Variants in KCNQ3 observed in about 807,000 individuals in gnomAD.
The protein encoded by KCNQ3 is potassium voltage-gated channel subfamily KQT member 3.
KCNQ3 carries 30 observed loss-of-function variants against 92.5 expected under a neutral mutation model. The observed-to-expected ratio is 0.32, with a 90% confidence interval of 0.24 to 0.44. The LOEUF (loss-of-function observed/expected upper bound fraction) is 0.44, where lower values mean the gene tolerates loss of function less well. Ranked by LOEUF, KCNQ3 falls within the 20% of genes least tolerant of loss-of-function variation. The pLI is 1.00. For synonymous variants in KCNQ3, 450 were observed against 468.8 expected (o/e 0.96, Z 0.52); for missense variants, 913 against 1,140.3 (o/e 0.80, Z 2.87).
intron 1 of KCNQ3, among the ~76,000 whole-genome samples, chr8:132,204,709 C>T (rs1289433316): frequency 6.6e-6 from 1 of 152,180 alleles, no homozygotes; most frequent in African/African-American, 2.4e-5. Flanking sequence ...ACATTTCTAA[C>T]CATGTGCACT....
chr8:132,437,196 G>A (rs1042641851), intron 1 of KCNQ3, among the ~76,000 whole-genome samples: 14 of 151,722 alleles, frequency 9.2e-5, no homozygotes, highest in South Asian at 2.1e-4. Context: ...GGAGAATGGC[G>A]TGAACCCCAG....
rs765705898 is a variant in KCNQ3, at chr8:132,140,174, G to C, written c.1470C>G (p.Ala490=). 8.7e-6 allele frequency: 14 copies of C among 1,612,142 alleles called. No homozygotes were observed. The highest frequency in any genetic ancestry group is 1.2e-5 in the Non-Finnish European group (14 of 1,178,694). The change falls in exon 11 of 15, where the codon GCC becomes GCG. Residue 490 remains alanine (A), a synonymous_variant. Transcript: ENST00000388996. Reference sequence around the variant, plus strand: ...CTTCCGCCATGGGGTCACCTGTCCCGGCATCTGGGAGGGAGACACACATAT... The same window carrying C: ...CTTCCGCCATGGGGTCACCTGTCCCCGCATCTGGGAGGGAGACACACATAT... The part of the protein sequence containing the change: ...AYAFWQSSED[A]GTGDPMAEDR...
At chr8:132,423,224 T>G (rs905136212) in intron 1 of KCNQ3, among the ~76,000 whole-genome samples, 50 of 152,182 alleles carry the variant, frequency 3.3e-4, no homozygotes, top group African/African-American at 1.2e-3. Context: ...GACAGGTCAC[T>G]ATTGCCAGTA....
chr8:132,368,362 TAATATA>T (rs1819379411), intron 1 of KCNQ3, among the ~76,000 whole-genome samples: 1 of 152,148 alleles, frequency 6.6e-6, no homozygotes, highest in African/African-American at 2.4e-5. Context: ...TTGATATTAA[TAATATA>T]AATAGTCGTG....
At chr8:132,189,907 A>AAAAGAG (rs1480816124) in intron 1 of KCNQ3, among the ~76,000 whole-genome samples, 5 of 132,278 alleles carry the variant, frequency 3.8e-5, no homozygotes, top group African/African-American at 1.7e-4. Flanking sequence ...AAAAAAAAAA[A>AAAAGAG]AGAGAGAGAG....
At chr8:132,246,432 G>T (rs977272072) in intron 1 of KCNQ3, among the ~76,000 whole-genome samples, 1 of 152,148 alleles carries the variant, frequency 6.6e-6, no homozygotes, top group Admixed American at 6.5e-5. Flanking sequence ...CCATCTTCAG[G>T]GTATTGCTGG....
At chr8:132,189,743 T>G (rs1182331125) in intron 1 of KCNQ3, among the ~76,000 whole-genome samples, 1 of 151,794 alleles carries the variant, frequency 6.6e-6, no homozygotes, top group South Asian at 2.1e-4. Context: ...GGAGAATCAC[T>G]TGAACCCGGG....
intron 1 of KCNQ3, among the ~76,000 whole-genome samples, chr8:132,460,105 C>A (rs1345736021): frequency 6.6e-6 from 1 of 152,048 alleles, no homozygotes; most frequent in Non-Finnish European, 1.5e-5. Flanking sequence ...ATGCCCTTGG[C>A]TCACCTTGTA....
chr8:132,448,649 G>T, intron 1 of KCNQ3, among the ~76,000 whole-genome samples: 1 of 152,028 alleles, frequency 6.6e-6, no homozygotes, highest in Non-Finnish European at 1.5e-5. Flanking sequence ...AGCAATCTCT[G>T]GTCACAGCTA....
intron 1 of KCNQ3, among the ~76,000 whole-genome samples, chr8:132,272,434 A>G (rs1055371809): frequency 1.3e-5 from 2 of 152,196 alleles, no homozygotes; most frequent in Non-Finnish European, 2.9e-5. Context: ...GCTTTGCTTC[A>G]GTTCAGGCCA....
intron 1 of KCNQ3, among the ~76,000 whole-genome samples, chr8:132,421,641 G>T (rs1170871153): frequency 6.6e-6 from 1 of 152,062 alleles, no homozygotes; most frequent in Non-Finnish European, 1.5e-5. Context: ...ACCTCAACTG[G>T]TGGTTCTGTC....
At chr8:132,182,908 A>G (rs902315599) in intron 3 of KCNQ3, among the ~76,000 whole-genome samples, 11 of 151,940 alleles carry the variant, frequency 7.2e-5, no homozygotes, top group Non-Finnish European at 1.6e-4. Context: ...ACACACACAC[A>G]CACACTCACA....
At chr8:132,433,916 AAAT>A (rs1469237929) in intron 1 of KCNQ3, among the ~76,000 whole-genome samples, 2 of 149,154 alleles carry the variant, frequency 1.3e-5, no homozygotes, top group Non-Finnish European at 3.0e-5. Flanking sequence ...ATAAAATAAA[AAAT>A]AATAATAGGC....
intron 1 of KCNQ3, among the ~76,000 whole-genome samples, chr8:132,192,405 G>C (rs1266050072): frequency 6.6e-6 from 1 of 152,290 alleles, no homozygotes; most frequent in South Asian, 2.1e-4. Context: ...ATTTCAGACG[G>C]AGACCACGTT....
intron 1 of KCNQ3, among the ~76,000 whole-genome samples, chr8:132,452,298 T>C (rs544398301): frequency 6.6e-6 from 1 of 152,314 alleles, no homozygotes; most frequent in Admixed American, 6.5e-5. Context: ...TCTATTTCTA[T>C]GAATTAAACT....
At chr8:132,367,488 T>G (rs559087172) in intron 1 of KCNQ3, among the ~76,000 whole-genome samples, 1 of 152,368 alleles carries the variant, frequency 6.6e-6, no homozygotes, top group South Asian at 2.1e-4. Context: ...TTCAAGATCT[T>G]AGAGTCTAGC....
At chr8:132,183,441 T>C (rs1478643056) in intron 3 of KCNQ3, among the ~76,000 whole-genome samples, 3 of 152,144 alleles carry the variant, frequency 2.0e-5, no homozygotes, top group South Asian at 2.1e-4. Context: ...TCAGACACGA[T>C]GGCAAGCTGG....
intron 1 of KCNQ3, 30 bp downstream of exon 1, chr8:132,480,117 C>A: frequency 1.2e-6 from 2 of 1,602,918 alleles, no homozygotes; most frequent in Non-Finnish European, 8.5e-7. Context: ...GCGCCGCCGC[C>A]GAGGGCGCCC....
At chr8:132,350,118 C>T (rs550950270) in intron 1 of KCNQ3, among the ~76,000 whole-genome samples, 14 of 152,308 alleles carry the variant, frequency 9.2e-5, no homozygotes, top group Admixed American at 7.2e-4. Context: ...TCCCAAATGG[C>T]ACACTTAGTG....
Sources: gnomAD v4.1 joint callset for allele counts (sites outside exome capture counted in the v4.1 genomes callset) on GRCh38, gnomAD v4.1.1 for gene constraint, MANE v1.5 for transcripts, NCBI Gene and HGNC (gene_info 2026-07-23, HGNC 2026-07-21) for gene names.